Variants in NEIL3 observed in about 807,000 individuals in gnomAD.
NEIL3 encodes endonuclease 8-like 3.
A neutral mutation model predicts 57.5 loss-of-function variants in NEIL3; 48 were observed. The observed-to-expected ratio is 0.83, with a 90% CI of 0.66 to 1.06. The LOEUF is 1.06. Among genes scored for constraint, NEIL3 ranks in the 50% least tolerant of loss-of-function variants. The pLI is 0.00. For synonymous variants in NEIL3, 261 were observed against 253.2 expected (o/e 1.03, Z -0.29); for missense variants, 717 against 739.1 (o/e 0.97, Z 0.35).
chr4:177,325,583 A>T (rs1292747438), intron 2 of NEIL3, among the ~76,000 whole-genome samples: 2 of 152,084 alleles, frequency 1.3e-5, no homozygotes, highest in South Asian at 2.1e-4. Context: ...TGACTTAGAA[A>T]TTCTAAGTCA....
At chr4:177,336,446 A>G (rs1578995972) in intron 4 of NEIL3, 125 bp downstream of exon 4, 15 of 719,468 alleles carry the variant, frequency 2.1e-5, no homozygotes, top group South Asian at 1.9e-4. Flanking sequence ...CCCGCTTCCC[A>G]TTTCTACCCA....
At chr4:177,353,157 C>A in intron 7 of NEIL3, 151 bp from the exon 8 acceptor site, 1 of 626,502 alleles carries the variant, frequency 1.6e-6, no homozygotes, top group East Asian at 3.0e-5. Flanking sequence ...TTAATTCTGA[C>A]TTGTCTGAGC....
chr4:177,337,961 G>A (rs964368166), intron 4 of NEIL3, among the ~76,000 whole-genome samples: 1 of 152,150 alleles, frequency 6.6e-6, no homozygotes, highest in Non-Finnish European at 1.5e-5. Flanking sequence ...GGAGGTTGCA[G>A]TGAGCAGAGA....
chr4:177,317,561 T>C (rs1734597276), intron 1 of NEIL3, among the ~76,000 whole-genome samples: 1 of 151,050 alleles, frequency 6.6e-6, no homozygotes. Flanking sequence ...TTTTGCTAAA[T>C]GGCCACATCA....
At chr4:177,341,683 A>G (rs1330317642) in intron 6 of NEIL3, 41 bp downstream of exon 6, 2 of 1,531,012 alleles carry the variant, frequency 1.3e-6, no homozygotes, top group Non-Finnish European at 1.8e-6. Context: ...TGCCCTAACC[A>G]TCTAACTAAA....
chr4:177,322,236 T>G lies in NEIL3; in HGVS notation c.157-223T>G, dbSNP rs1734698696. ...TTTGCTTGTCTACCAATTACTTTTT[T>G]TCACTTAATTTTTTTGGCCTCTCTC... On this transcript the variant is annotated intron_variant, in intron 1 of 9. Transcript: ENST00000264596. Among the ~76,000 whole-genome samples, 3 of 152,368 alleles carry G rather than the reference T, an allele frequency of 2.0e-5. No individual in the cohort carries two copies. In the East Asian group the frequency reaches 5.8e-4, roughly 29 times the overall value.
At chr4:177,348,856 G>C in intron 6 of NEIL3, among the ~76,000 whole-genome samples, 1 of 84,094 alleles carries the variant, frequency 1.2e-5, no homozygotes, top group Admixed American at 1.5e-4. Context: ...GGTGGCTCAT[G>C]AATTTTTTTT....
the NEIL3 span, among the ~76,000 whole-genome samples, chr4:177,368,621 T>C: frequency 5.9e-5 from 9 of 152,350 alleles, no homozygotes; most frequent in South Asian, 1.9e-3. Context: ...AGAAATTTGG[T>C]AAATATTTGT....
chr4:177,353,731 A>G lies in NEIL3; in HGVS notation c.1460+3A>G, dbSNP rs371733954. ...TGCAACCCTGGATATTCTAACAGGT[A>G]TGATGCTTTTAACCTTGGTCTTTAA... On this transcript the variant is annotated splice_donor_region_variant and intron_variant, in intron 8 of 9. Coordinates refer to ENST00000264596, the MANE Select transcript of NEIL3 (RefSeq NM_018248.3). 9.4e-6 allele frequency: 15 copies of G among 1,588,238 alleles called. No homozygotes were observed. The African/African-American group carries it at 1.8e-4, about 19-fold the overall frequency.
chr4:177,326,974 G>A (rs1246582362), intron 2 of NEIL3, among the ~76,000 whole-genome samples: 1 of 152,078 alleles, frequency 6.6e-6, no homozygotes, highest in African/African-American at 2.4e-5. Context: ...CGAGGTGTGG[G>A]GGGGCATGTA....
chr4:177,318,114 A>C (rs1308975148), intron 1 of NEIL3, among the ~76,000 whole-genome samples: 1 of 152,128 alleles, frequency 6.6e-6, no homozygotes, highest in Non-Finnish European at 1.5e-5. Flanking sequence ...GGTTCTATAG[A>C]ATCTTGAGGC....
chr4:177,337,746 C>T (rs974458848), intron 4 of NEIL3, among the ~76,000 whole-genome samples: 4 of 152,104 alleles, frequency 2.6e-5, no homozygotes, highest in African/African-American at 9.7e-5. Context: ...TGCCTGTAAT[C>T]CCAGCACTTT....
chr4:177,315,260 A>G (rs999672938), intron 1 of NEIL3, among the ~76,000 whole-genome samples: 20 of 152,176 alleles, frequency 1.3e-4, no homozygotes, highest in African/African-American at 3.6e-4. Context: ...TTGTCCATCC[A>G]TGGATAGGCA....
chr4:177,342,825 C>T (rs1735124551), intron 6 of NEIL3, among the ~76,000 whole-genome samples: 1 of 152,224 alleles, frequency 6.6e-6, no homozygotes, highest in Non-Finnish European at 1.5e-5. Context: ...CCAACCCCAA[C>T]AGAGGCTCCA....
chr4:177,329,666 G>A (rs1734845637), intron 2 of NEIL3, among the ~76,000 whole-genome samples: 1 of 152,000 alleles, frequency 6.6e-6, no homozygotes. Context: ...AGAACAAGTG[G>A]GCAAAAATCA....
intron 2 of NEIL3, among the ~76,000 whole-genome samples, chr4:177,326,896 A>G (rs899333082): frequency 7.9e-5 from 12 of 152,188 alleles, no homozygotes; most frequent in African/African-American, 2.9e-4. Context: ...GTATCCTGCA[A>G]CCTTGCTGAT....
chr4:177,362,279 T>C lies in NEIL3; in HGVS notation c.1636-10T>C, dbSNP rs752008066. The C allele has an allele frequency of 1.3e-6, 2 of 1,587,886 alleles. No homozygotes were observed. Among genetic ancestry groups the C allele is most frequent in the African/African-American group, 1.4e-5 (1 of 73,478 alleles). Reference sequence around the variant, plus strand: ...GTATAAACTTGTAAATTTACCTTTTTTTCCTGCAGTGGGCAGATTTGTCCT... The same window carrying C: ...GTATAAACTTGTAAATTTACCTTTTCTTCCTGCAGTGGGCAGATTTGTCCT... On this transcript the variant is annotated splice_polypyrimidine_tract_variant and intron_variant, in intron 9 of 9. Transcript: ENST00000264596.
At chr4:177,360,456 C>A in intron 8 of NEIL3, 47 bp from the exon 9 acceptor site, 1 of 1,439,680 alleles carries the variant, frequency 6.9e-7, no homozygotes. Flanking sequence ...TGTGAATGGT[C>A]CCTTAGCACT....
chr4:177,322,476 T>C lies in NEIL3; in HGVS notation c.174T>C (p.Asn58=), dbSNP rs751162710. The C allele has an allele frequency of 1.9e-6, 3 of 1,614,018 alleles. No individual in the cohort carries two copies. Among genetic ancestry groups the C allele is most frequent in the Non-Finnish European group, 2.5e-6 (3 of 1,179,882 alleles). Residue 58 remains asparagine, a synonymous_variant, in exon 2 of 10, where the codon AAT becomes AAC. Coordinates refer to ENST00000264596, the MANE Select transcript of NEIL3 (RefSeq NM_018248.3). ...TCCACTAGGCTGCTGCACTGAATAA[T>C]GATTCCAGCCAGAATGTCTTGAGCC... The part of the protein sequence containing the change: ...VVSPQAAALN[N]DSSQNVLSLF...
Sources: allele counts gnomAD v4.1 joint callset (sites outside exome capture counted in the v4.1 genomes callset), GRCh38; gene constraint gnomAD v4.1.1; transcripts MANE v1.5; gene names NCBI Gene and HGNC (gene_info 2026-07-23, HGNC 2026-07-21).